Variants in FRMPD4 observed in about 807,000 individuals in gnomAD.
The protein encoded by FRMPD4 is FERM and PDZ domain-containing protein 4.
A neutral mutation model predicts 94.1 loss-of-function variants in FRMPD4; 22 were observed. That is an observed-to-expected ratio of 0.23 (90% CI 0.17 to 0.33). The LOEUF is 0.33. FRMPD4 is among the 10% of genes least tolerant of loss of function. The pLI is 1.00. For synonymous variants in FRMPD4, 631 were observed against 548.6 expected (o/e 1.15, Z -2.10); for missense variants, 1,111 against 1,339.9 (o/e 0.83, Z 2.67).
At chrX:11,931,658 A>G (rs1056129180) in intron 3 of FRMPD4, among the ~76,000 whole-genome samples, 2 of 112,579 alleles carry the variant, frequency 1.8e-5, no homozygotes, top group East Asian at 2.8e-4. Context: ...TGTTGGTTAA[A>G]CAGTCACAGT....
intron 3 of FRMPD4, 62 bp downstream of exon 3, chrX:12,609,943 C>A: frequency 9.7e-7 from 1 of 1,030,273 alleles, no homozygotes; most frequent in Non-Finnish European, 1.3e-6. Context: ...GCCAGAATAA[C>A]TACTGTTCAG....
At chrX:12,592,157 T>A (rs2058988878) in intron 2 of FRMPD4, among the ~76,000 whole-genome samples, 1 of 111,659 alleles carries the variant, frequency 9.0e-6, no homozygotes, top group African/African-American at 3.3e-5. Context: ...TCAAGAAGTA[T>A]CTGGACAGAC....
intron 3 of FRMPD4, among the ~76,000 whole-genome samples, chrX:11,894,795 A>G (rs1313477907): frequency 8.9e-6 from 1 of 112,197 alleles, no homozygotes; most frequent in Non-Finnish European, 1.9e-5. Flanking sequence ...TTTCCAGGTA[A>G]TGTTGATGCT....
At position 12,076,374 on chromosome X, in the gene FRMPD4, G is replaced by GGA. The variant is rs1203790294; in HGVS notation, c.95+198370_95+198371dup. On this transcript the variant is annotated intron_variant, in intron 3 of 18. Coordinates refer to the FRMPD4 transcript ENST00000640291. Reference sequence around the variant, plus strand: ...TGTGTGTGTATGTGTGTGTGTGTGTGGAGAGAGAGAGAGAGCGAGCGAGCA... The same window carrying GGA: ...TGTGTGTGTATGTGTGTGTGTGTGTGGAGAGAGAGAGAGAGAGCGAGCGAGCA... Among the ~76,000 whole-genome samples, 71 of 106,710 alleles carry GGA rather than the reference G, an allele frequency of 6.7e-4. 1 individual carries two copies. Among genetic ancestry groups the GGA allele is most frequent in the African/African-American group, 2.0e-3 (59 of 29,153 alleles). 92.7% of individuals were successfully genotyped at this position (106,710 alleles called of 115,157 possible).
intron 3 of FRMPD4, among the ~76,000 whole-genome samples, chrX:12,076,359 T>G (rs2055016726): frequency 9.4e-6 from 1 of 106,909 alleles, no homozygotes; most frequent in Non-Finnish European, 1.9e-5. Flanking sequence ...TGTGTGTGTA[T>G]GTGTGTGTGT....
chrX:11,950,282 A>G (rs181529737), intron 3 of FRMPD4, among the ~76,000 whole-genome samples: 17 of 112,233 alleles, frequency 1.5e-4, no homozygotes, highest in African/African-American at 4.5e-4. Flanking sequence ...AGCAATGTGG[A>G]ACTGTGAGTC....
At chrX:12,698,629 A>G (rs1602341279) in intron 9 of FRMPD4, among the ~76,000 whole-genome samples, 1 of 109,333 alleles carries the variant, frequency 9.1e-6, no homozygotes, top group South Asian at 4.0e-4. Context: ...ATATATTTGG[A>G]ATATATATAT....
intron 1 of FRMPD4, among the ~76,000 whole-genome samples, chrX:12,448,944 T>C (rs903732467): frequency 9.0e-6 from 1 of 111,586 alleles, no homozygotes; most frequent in Non-Finnish European, 1.9e-5. Context: ...AGGATCCCGC[T>C]TGAACAGCCC....
At chrX:12,456,283 CTCTCCCTTTCTG>C (rs1234119227) in intron 1 of FRMPD4, among the ~76,000 whole-genome samples, 1 of 111,880 alleles carries the variant, frequency 8.9e-6, no homozygotes, top group Admixed American at 9.5e-5. Flanking sequence ...TTTCCATTCT[CTCTCCCTTTCTG>C]TCTCCCTTTC....
In FRMPD4 at chrX:12,719,930, A is replaced by G. The variant is rs1267837803; in HGVS notation, c.3965-604A>G. Among the ~76,000 whole-genome samples, 3 of 109,897 alleles carry G rather than the reference A, an allele frequency of 2.7e-5. No individual in the cohort carries two copies. The Admixed American group carries it at 3.0e-4, about 11-fold the overall frequency. On this transcript the variant is annotated intron_variant, in intron 16 of 16. Coordinates refer to ENST00000675598, the MANE Select transcript of FRMPD4 (RefSeq NM_001368397.1). ...GGCAAACCTCATGCTGACTTCTTAA[A>G]AAGATTCACTTATTTAATTTGCACT... is the stretch of plus-strand genomic sequence containing the variant.
Position 12,718,758 on chromosome X carries a change from G to A in FRMPD4, c.3932G>A (p.Cys1311Tyr). 8.3e-7 allele frequency: 1 copy of A among 1,203,961 alleles called. No individual in the cohort carries two copies. Among genetic ancestry groups the A allele is most frequent in the South Asian group, 1.8e-5 (1 of 56,662 alleles). ...EPLFGTLRDG[C>Y]HRLPKIKETT... is the part of the protein sequence containing the mutation. ...CTGTTTGGCACATTGAGAGATGGAT[G>A]CCATCGGCTCCCCAAGATTAAGGAA... The change falls in exon 16 of 17, where the codon TGC becomes TAC. Residue 1311 changes from cysteine to tyrosine, a missense_variant. Cys to Tyr is a radical substitution (Grantham distance 194). This residue lies in a region of FRMPD4 where 551 missense variants were observed against 591.6 expected (regional missense o/e 0.93). Transcript: ENST00000675598.
chrX:12,041,394 G>C (rs988328366), intron 3 of FRMPD4, among the ~76,000 whole-genome samples: 2 of 111,917 alleles, frequency 1.8e-5, no homozygotes, highest in Admixed American at 9.5e-5. Context: ...TCACAGTAAT[G>C]TTATTTCATC....
intron 3 of FRMPD4, among the ~76,000 whole-genome samples, chrX:11,878,550 GTTTC>G (rs895366892): frequency 8.9e-6 from 1 of 112,191 alleles, no homozygotes; most frequent in African/African-American, 3.2e-5. Context: ...GTATTTAATT[GTTTC>G]TTTATGTTCA....
intron 6 of FRMPD4, 152 bp downstream of exon 6, chrX:12,683,739 G>A (rs1287532162): frequency 2.5e-6 from 1 of 405,087 alleles, no homozygotes; most frequent in African/African-American, 2.5e-5. Flanking sequence ...GTTGTAAAGG[G>A]CTTGAGAGTT....
At chrX:12,193,774 G>GAAAGAAAGAAAGAAAAA (rs748805072) in intron 1 of FRMPD4, among the ~76,000 whole-genome samples, 1 of 24,733 alleles carries the variant, frequency 4.0e-5, no homozygotes, top group Non-Finnish European at 6.1e-5. Flanking sequence ...AAGAAAGAAA[G>GAAAGAAAGAAAGAAAAA]GAAGGAAGGA....
At chrX:12,443,292 GTATAAT>G (rs1173488198) in intron 1 of FRMPD4, among the ~76,000 whole-genome samples, 122 of 112,144 alleles carry the variant, frequency 1.1e-3, no homozygotes, top group Middle Eastern at 9.1e-3. Context: ...CAAGCCACAT[GTATAAT>G]TATAAATTTC....
intron 3 of FRMPD4, among the ~76,000 whole-genome samples, chrX:12,115,759 C>T (rs1263246606): frequency 1.8e-5 from 2 of 110,336 alleles, no homozygotes; most frequent in African/African-American, 6.6e-5. Flanking sequence ...GCAGTGTCTT[C>T]TCCTCCCCAT....
intron 1 of FRMPD4, among the ~76,000 whole-genome samples, chrX:12,404,672 G>C (rs988760728): frequency 8.9e-6 from 1 of 111,923 alleles, no homozygotes; most frequent in Non-Finnish European, 1.9e-5. Context: ...ATGAAAGCTT[G>C]ATCCTTCTGT....
At chrX:11,983,827 A>G (rs1203890878) in intron 3 of FRMPD4, among the ~76,000 whole-genome samples, 1 of 111,857 alleles carries the variant, frequency 8.9e-6, no homozygotes, top group Non-Finnish European at 1.9e-5. Flanking sequence ...CATAACCTAT[A>G]TAGAGTTCAA....
Sources: gnomAD v4.1 joint callset for allele counts (sites outside exome capture counted in the v4.1 genomes callset) on GRCh38, gnomAD v4.1.1 for gene constraint, gnomAD v4.1.1 regional missense constraint, MANE v1.5 for transcripts, NCBI Gene and HGNC (gene_info 2026-07-23, HGNC 2026-07-21) for gene names.